Variants in CEP104 observed in about 807,000 individuals in gnomAD.
CEP104 encodes centrosomal protein of 104 kDa.
A neutral mutation model predicts 113.3 loss-of-function variants in CEP104; 84 were observed. The ratio of observed to expected loss-of-function variants is 0.74; its 90% CI spans 0.62 to 0.89. CEP104 has a LOEUF of 0.89. CEP104 is among the 40% of genes least tolerant of loss of function. CEP104 has a pLI of 0.00. For missense variants in CEP104, 1,053 were observed against 1,156.6 expected (o/e 0.91, Z 1.30); for synonymous variants, 378 against 421.7 (o/e 0.90, Z 1.27).
At chr1:3,852,197 T>C (rs1007778301) in intron 2 of CEP104, 98 bp downstream of exon 2, 31 of 1,146,870 alleles carry the variant, frequency 2.7e-5, no homozygotes, top group South Asian at 4.8e-5. Flanking sequence ...GTCCGAGTGA[T>C]AGTAAAATCT....
chr1:3,843,854 C>T (rs1344394881), intron 6 of CEP104, among the ~76,000 whole-genome samples: 3 of 151,988 alleles, frequency 2.0e-5, no homozygotes, highest in African/African-American at 2.4e-5. Flanking sequence ...CTTCACCTCC[C>T]GGATTCAAGT....
chr1:3,837,245 C>CA (rs1379657379), intron 9 of CEP104, 47 bp downstream of exon 9: 1 of 1,497,090 alleles, frequency 6.7e-7, no homozygotes. Flanking sequence ...ATGTCCTTTA[C>CA]AAATACCCAA....
rs981059088 is a variant in CEP104 at position 3,815,337 on chromosome 1, G to C, written c.*65C>G. ...GCCACCAAGGCCAGAGAGTTCTGGA[G>C]AGATGGTGTAGAATCAGGAGACCCG... On this transcript the variant is annotated 3_prime_UTR_variant, in exon 22 of 22. Transcript: ENST00000378230. 1.6e-6 allele frequency: 2 copies of C among 1,240,130 alleles called. No individual in the cohort carries two copies. Among genetic ancestry groups the C allele is most frequent in the Non-Finnish European group, 2.3e-6 (2 of 871,772 alleles). 76.8% of individuals were successfully genotyped at this position (1,240,130 alleles called of 1,614,324 possible).
chr1:3,856,488 C>T (rs1270946350), intron 1 of CEP104, among the ~76,000 whole-genome samples: 1 of 152,228 alleles, frequency 6.6e-6, no homozygotes. Flanking sequence ...AAAAAACAAC[C>T]AACCATCAGA....
At chr1:3,815,553 C>A in intron 21 of CEP104, 36 bp from the exon 22 acceptor site, 1 of 1,428,444 alleles carries the variant, frequency 7.0e-7, no homozygotes, top group Non-Finnish European at 9.5e-7. Context: ...TTAGGAGGGG[C>A]ACTCCTACCC....
In CEP104 at chr1:3,815,392, G is replaced by A. The variant is rs376014386; in HGVS notation, c.*10C>T. On this transcript the variant is annotated 3_prime_UTR_variant, in exon 22 of 22. Coordinates refer to ENST00000378230, the MANE Select transcript of CEP104 (RefSeq NM_014704.4). ...ATCCCTCACAGAGACCAAGGAGCCC[G>A]AGCGCCGCGTCAGCGCTTGGCGTAC... 1.7e-5 allele frequency: 27 copies of A among 1,589,036 alleles called. No homozygotes were observed. The African/African-American group carries it at 2.8e-4, about 17-fold the overall frequency.
At chr1:3,822,605 G>A (rs886073032) in intron 20 of CEP104, among the ~76,000 whole-genome samples, 2 of 152,082 alleles carry the variant, frequency 1.3e-5, no homozygotes, top group East Asian at 1.9e-4. Context: ...TAATTGCCAC[G>A]GAGCCTTGCA....
chr1:3,840,084 T>C (rs1173878248), intron 6 of CEP104, among the ~76,000 whole-genome samples: 2 of 152,048 alleles, frequency 1.3e-5, no homozygotes, highest in Non-Finnish European at 2.9e-5. Flanking sequence ...TTATGGGCCC[T>C]GGGAATAGGA....
Position 3,845,336 on chromosome 1 carries a change from TG to T in CEP104, c.441del (p.Ile148Ter). The T allele has an allele frequency of 6.2e-7, 1 of 1,607,432 alleles. No individual in the cohort carries two copies. The highest frequency in any genetic ancestry group is 8.5e-7 in the Non-Finnish European group (1 of 1,174,812). On this transcript the variant is annotated frameshift_variant, in exon 5 of 22. Coordinates refer to ENST00000378230, the MANE Select transcript of CEP104 (RefSeq NM_014704.4). LOFTEE classifies it high-confidence loss of function. ...YNIYNQVALV[A>X]INIIGDPADF... ...TCTGCAGGGTCTCCAATGATATTTATGGCAACCAAAGCAACCTAAGAAAGTG... is the reference window on the plus strand; with the variant it reads ...TCTGCAGGGTCTCCAATGATATTTATGCAACCAAAGCAACCTAAGAAAGTG...
Position 3,839,706 on chromosome 1 carries a change from T to A in CEP104, c.637A>T (p.Ile213Phe), listed in dbSNP as rs761446483. 2 of 1,614,064 alleles carry A rather than the reference T, an allele frequency of 1.2e-6. No individual in the cohort carries two copies. The highest frequency in any genetic ancestry group is 2.2e-5 in the East Asian group (1 of 44,900). The change falls in exon 7 of 22, where the codon ATC becomes TTC. Residue 213 changes from isoleucine to phenylalanine, a missense_variant. By Grantham distance (21) the Ile-to-Phe change is conservative. Transcript: ENST00000378230. The part of the protein sequence containing the change: ...DMYQDPEVAQ[I>F]IRKLDERKRE... ...TTTCTTTCATCTAATTTTCGTATGA[T>A]CTGTGCAACTTCTGGATCTTGGTAC...
chr1:3,852,276 C>T lies in CEP104; in HGVS notation c.113+19G>A, dbSNP rs375705587. 9.8e-5 allele frequency: 157 copies of T among 1,607,648 alleles called. No homozygotes were observed. The South Asian group carries it at 1.1e-3, about 11-fold the overall frequency. Reference sequence around the variant, plus strand: ...CGAGGCTGCCTCCCAGCCCAAGCCCCGCCCCGTCCAGTCCTCACCTAGGTG... The same window carrying T: ...CGAGGCTGCCTCCCAGCCCAAGCCCTGCCCCGTCCAGTCCTCACCTAGGTG... On this transcript the variant is annotated intron_variant, in intron 2 of 21. Coordinates refer to ENST00000378230, the MANE Select transcript of CEP104 (RefSeq NM_014704.4).
At chr1:3,816,935 G>A (rs1643889686) in intron 20 of CEP104, among the ~76,000 whole-genome samples, 1 of 152,254 alleles carries the variant, frequency 6.6e-6, no homozygotes. Context: ...ATGGGGACAG[G>A]GAGCTCATCT....
intron 10 of CEP104, among the ~76,000 whole-genome samples, chr1:3,835,762 G>A (rs1268942610): frequency 2.0e-5 from 3 of 152,186 alleles, no homozygotes; most frequent in African/African-American, 7.2e-5. Flanking sequence ...GGGAGCAGTT[G>A]TTTAATACAA....
rs66497905 is a variant in CEP104 at position 3,848,314 on chromosome 1, C to T, written c.287+294G>A. On this transcript the variant is annotated intron_variant, in intron 3 of 21. Transcript: ENST00000378230. ...TTGGGAGGTCGAGGCGGGCGGATCA[C>T]GAGGTCAGGAGATCGAGACCATCCT... Among the ~76,000 whole-genome samples, 55,594 of 151,634 alleles carry T rather than the reference C, an allele frequency of 0.37. 12,441 individuals are homozygous for T. The highest frequency in any genetic ancestry group is 0.64 in the African/African-American group (26,377 of 41,296).
In CEP104 at chr1:3,815,253, GCA is replaced by G. The variant is rs892213543; in HGVS notation, c.*147_*148del. On this transcript the variant is annotated 3_prime_UTR_variant, in exon 22 of 22. Transcript: ENST00000378230. The stretch of plus-strand genomic sequence containing the variant: ...CATATCGTTTGCACGAGAGCTGACG[GCA>G]CAGACGCGTAAGAGGCGTGCACGGC... 106 of 627,192 alleles carry G rather than the reference GCA, an allele frequency of 1.7e-4. No individual in the cohort carries two copies. Among genetic ancestry groups the G allele is most frequent in the Middle Eastern group, 5.1e-4 (2 of 3,944 alleles). 38.9% of individuals were successfully genotyped at this position (627,192 alleles called of 1,614,324 possible).
intron 2 of CEP104, among the ~76,000 whole-genome samples, chr1:3,850,085 T>C (rs1276113168): frequency 1.3e-5 from 2 of 152,246 alleles, no homozygotes; most frequent in African/African-American, 4.8e-5. Context: ...CCTAGGTGTG[T>C]AGCAGTAGGC....
At chr1:3,838,320 T>G (rs986409233) in intron 8 of CEP104, among the ~76,000 whole-genome samples, 9 of 152,008 alleles carry the variant, frequency 5.9e-5, no homozygotes, top group Admixed American at 2.6e-4. Flanking sequence ...GCCTGGCTAT[T>G]ACTTACTTTT....
At chr1:3,829,520 G>T in intron 14 of CEP104, 147 bp from the exon 15 acceptor site, 1 of 679,996 alleles carries the variant, frequency 1.5e-6, no homozygotes, top group Non-Finnish European at 2.4e-6. Context: ...CTTTTCCATT[G>T]ATTTCATTGG....
In CEP104 at chr1:3,815,450, C is replaced by T. The variant is rs200742076; in HGVS notation, c.2730G>A (p.Pro910=). ...GSKAGSKIPT[P]KGGLSKSSSR... ...TGGAGCTCTTGCTCAGTCCGCCCTT[C>T]GGGGTGGGGATCTTGCTTCCGGCCT... Residue 910 remains proline (P), a synonymous_variant, in exon 22 of 22, where the codon CCG becomes CCA. Transcript: ENST00000378230. The T allele has an allele frequency of 5.5e-5, 88 of 1,613,318 alleles. No individual in the cohort carries two copies. The highest frequency in any genetic ancestry group is 3.7e-4 in the African/African-American group (28 of 75,054).
Sources: allele counts gnomAD v4.1 joint callset (sites outside exome capture counted in the v4.1 genomes callset), GRCh38; gene constraint gnomAD v4.1.1; transcripts MANE v1.5; gene names NCBI Gene and HGNC (gene_info 2026-07-23, HGNC 2026-07-21).